SPATS2L: variants seen among roughly 807,000 people sequenced by gnomAD.
SPATS2L encodes spermatogenesis associated serine rich 2 like, also known as SPATS2-like protein.
In SPATS2L, 30 loss-of-function variants were observed where a neutral mutation model predicts 59.6. That is an observed-to-expected ratio of 0.50 (90% CI 0.38 to 0.68). The LOEUF is 0.68. Among genes scored for constraint, SPATS2L ranks in the 30% least tolerant of loss-of-function variants. The pLI is 0.00. For missense variants in SPATS2L, 615 were observed against 700.0 expected (o/e 0.88, Z 1.37); for synonymous variants, 252 against 263.5 (o/e 0.96, Z 0.42).
intron 1 of SPATS2L, among the ~76,000 whole-genome samples, chr2:200,321,637 T>A (rs537242236): frequency 6.6e-6 from 1 of 152,380 alleles, no homozygotes; most frequent in Admixed American, 6.5e-5. Context: ...TTTTAATTTA[T>A]TGTGATCACA....
At chr2:200,411,249 A>T (rs1303962370) in intron 3 of SPATS2L, among the ~76,000 whole-genome samples, 2 of 152,132 alleles carry the variant, frequency 1.3e-5, no homozygotes, top group African/African-American at 4.8e-5. Context: ...GGAATAGGTG[A>T]TCTGTTTTCT....
At chr2:200,318,835 C>G (rs943938756) in intron 1 of SPATS2L, among the ~76,000 whole-genome samples, 3 of 152,202 alleles carry the variant, frequency 2.0e-5, no homozygotes, top group African/African-American at 7.2e-5. Flanking sequence ...TCCACATTAT[C>G]CCAGTTGCCA....
At chr2:200,468,195 G>A (rs531287516) in intron 10 of SPATS2L, among the ~76,000 whole-genome samples, 5 of 152,042 alleles carry the variant, frequency 3.3e-5, no homozygotes, top group African/African-American at 7.2e-5. Context: ...CATCTTGATC[G>A]CCAGACCCAC....
chr2:200,333,482 A>T (rs562631986), intron 2 of SPATS2L, among the ~76,000 whole-genome samples: 210 of 151,442 alleles, frequency 1.4e-3, no homozygotes, highest in Admixed American at 2.4e-3. Flanking sequence ...GTTTTTTAAA[A>T]TTTTTTTTAT....
chr2:200,422,999 C>G (rs976566592), intron 6 of SPATS2L, among the ~76,000 whole-genome samples: 1 of 152,148 alleles, frequency 6.6e-6, no homozygotes, highest in Admixed American at 6.5e-5. Flanking sequence ...ACCAAGACAG[C>G]CACTAAAGTG....
intron 12 of SPATS2L, 24 bp downstream of exon 12, chr2:200,473,076 GC>G: frequency 6.7e-7 from 1 of 1,502,556 alleles, no homozygotes; most frequent in Admixed American, 2.3e-5. Flanking sequence ...GGTGCAGGGT[GC>G]CAGAGGAAAA....
chr2:200,403,165 C>T (rs892003393), intron 3 of SPATS2L, among the ~76,000 whole-genome samples: 18 of 152,222 alleles, frequency 1.2e-4, no homozygotes, highest in Admixed American at 3.9e-4. Context: ...CTTAGACTCC[C>T]TTAATGGATA....
At position 200,366,795 on chromosome 2, in the gene SPATS2L, G is replaced by A. The variant is rs112763958; in HGVS notation, c.-22-22428G>A. 4.3e-3 allele frequency among the ~76,000 whole-genome samples: 662 copies of A among 152,268 alleles called. 2 individuals carry two copies. The highest frequency in any genetic ancestry group is 0.015 in the African/African-American group (634 of 41,552). On this transcript the variant is annotated intron_variant, in intron 2 of 12. Coordinates refer to ENST00000409140, the MANE Select transcript of SPATS2L (RefSeq NM_001100423.2). ...TTGGAGGCTTACAGATTTTCAAGAT[G>A]TTGCCTTCTACATTCCTAAAGCTTA...
intron 4 of SPATS2L, among the ~76,000 whole-genome samples, chr2:200,414,371 A>G (rs950419434): frequency 1.3e-5 from 2 of 152,194 alleles, no homozygotes; most frequent in African/African-American, 4.8e-5. Context: ...CAGGTTCCTC[A>G]TACCTGTAAC....
In SPATS2L at chr2:200,419,417, C is replaced by T. The variant is rs1194653843; in HGVS notation, c.366C>T (p.Asn122=). The change falls in exon 6 of 13, where the codon AAC becomes AAT. Residue 122 remains asparagine (N), a synonymous_variant. Transcript: ENST00000409140. ...EKDSSSTDSA[N]EKPALIPREK... ...ACAGCTCGTCCACAGATTCTGCTAA[C>T]GAAAAACCAGCCCTTATCCCTCGTG... 21 of 1,613,638 alleles carry T rather than the reference C, an allele frequency of 1.3e-5. No individual in the cohort carries two copies. The highest frequency in any genetic ancestry group is 6.7e-5 in the African/African-American group (5 of 74,916).
rs765524261 is a variant in SPATS2L at position 200,439,372 on chromosome 2, C to T, written c.652+44C>T. 22 of 1,533,192 alleles carry T rather than the reference C, an allele frequency of 1.4e-5. 1 individual carries two copies. In the Admixed American group the frequency reaches 2.7e-4, roughly 19 times the overall value. The allele number at this position is 1,533,192 out of a possible 1,614,324, so 95.0% of individuals were successfully genotyped here. A position where few individuals can be genotyped will look rare whatever the true frequency, so the allele number is the denominator to read the frequency against. On this transcript the variant is annotated intron_variant, in intron 7 of 12. Transcript: ENST00000409140. Reference sequence around the variant, plus strand: ...CACAAATGATTCAACATATTTTGCACATACAGAAAAGTGCCAGAGTGACAG... The same window carrying T: ...CACAAATGATTCAACATATTTTGCATATACAGAAAAGTGCCAGAGTGACAG...
chr2:200,306,405 A>G (rs1156783350), upstream of SPATS2L: 3 of 1,002,152 alleles, frequency 3.0e-6, no homozygotes, highest in Admixed American at 1.2e-4. Flanking sequence ...GTCGGTCTGG[A>G]GCAAGCAAGC....
chr2:200,421,066 G>C (rs938177912), intron 6 of SPATS2L, among the ~76,000 whole-genome samples: 2 of 152,080 alleles, frequency 1.3e-5, no homozygotes, highest in African/African-American at 4.8e-5. Context: ...TTAAACTCCC[G>C]TTATATTCAG....
intron 2 of SPATS2L, among the ~76,000 whole-genome samples, chr2:200,364,431 G>A (rs1354800415): frequency 1.3e-5 from 2 of 150,994 alleles, no homozygotes; most frequent in Admixed American, 6.6e-5. Flanking sequence ...GCGTTCAGAC[G>A]GGCAAGATTT....
chr2:200,473,096 A>C, intron 12 of SPATS2L, 44 bp downstream of exon 12: 1 of 1,515,322 alleles, frequency 6.6e-7, no homozygotes, highest in South Asian at 1.2e-5. Context: ...AAAAAAAAAA[A>C]AACCTGTTTC....
At chr2:200,381,496 C>T (rs919345883) in intron 2 of SPATS2L, among the ~76,000 whole-genome samples, 5 of 152,290 alleles carry the variant, frequency 3.3e-5, no homozygotes, top group African/African-American at 1.2e-4. Context: ...CGAAGGGTAC[C>T]TGTCTTGTTT....
intron 7 of SPATS2L, 29 bp downstream of exon 7, chr2:200,439,357 T>G (rs1206605935): frequency 6.3e-7 from 1 of 1,580,974 alleles, no homozygotes; most frequent in Non-Finnish European, 8.7e-7. Context: ...CACAAATGAT[T>G]CAACATATTT....
At chr2:200,343,652 TCA>T (rs1450351690) in intron 2 of SPATS2L, among the ~76,000 whole-genome samples, 2 of 152,220 alleles carry the variant, frequency 1.3e-5, no homozygotes, top group Non-Finnish European at 2.9e-5. Context: ...GTTCATTACA[TCA>T]TTGTTTATAA....
At chr2:200,376,665 G>A (rs1309639684) in intron 2 of SPATS2L, among the ~76,000 whole-genome samples, 3 of 152,348 alleles carry the variant, frequency 2.0e-5, no homozygotes, top group Non-Finnish European at 2.9e-5. Flanking sequence ...ATTGGTTTCC[G>A]ATCCATTCTA....
Sources: gnomAD v4.1 joint callset for allele counts (sites outside exome capture counted in the v4.1 genomes callset) on GRCh38, gnomAD v4.1.1 for gene constraint, MANE v1.5 for transcripts, NCBI Gene and HGNC (gene_info 2026-07-23, HGNC 2026-07-21) for gene names.